FBXL17: variants seen among roughly 807,000 people sequenced by gnomAD.
FBXL17 encodes the protein F-box and leucine rich repeat protein 17.
FBXL17 carries 22 observed loss-of-function variants against 66.2 expected under a neutral mutation model. The ratio of observed to expected loss-of-function variants is 0.33; its 90% CI spans 0.24 to 0.47. The LOEUF (loss-of-function observed/expected upper bound fraction) is 0.47. FBXL17 is among the 20% of genes least tolerant of loss of function. FBXL17 has a pLI of 1.00. For missense variants in FBXL17, 878 were observed against 948.2 expected (o/e 0.93, Z 0.97); for synonymous variants, 474 against 400.5 (o/e 1.18, Z -2.19).
At chr5:107,950,760 G>C (rs1751473557) in intron 7 of FBXL17, among the ~76,000 whole-genome samples, 1 of 152,130 alleles carries the variant, frequency 6.6e-6, no homozygotes, top group South Asian at 2.1e-4. Context: ...CCTCAAAATA[G>C]GTAATTGAAA....
At chr5:108,224,073 C>A (rs777949377) in intron 5 of FBXL17, 48 bp downstream of exon 5, 1 of 944,360 alleles carries the variant, frequency 1.1e-6, no homozygotes, top group African/African-American at 1.6e-5. Context: ...GGGCTCATCA[C>A]CTGTATGATA....
At chr5:108,019,541 A>T (rs1487224790) in intron 7 of FBXL17, among the ~76,000 whole-genome samples, 1 of 152,148 alleles carries the variant, frequency 6.6e-6, no homozygotes, top group Non-Finnish European at 1.5e-5. Context: ...GGAAATATAC[A>T]AAAAGACTGG....
intron 6 of FBXL17, among the ~76,000 whole-genome samples, chr5:108,162,542 T>C (rs1370615391): frequency 6.6e-6 from 1 of 152,178 alleles, no homozygotes. Flanking sequence ...TTAATGAAAT[T>C]ATATTCAGTA....
At chr5:107,999,955 A>G (rs1429127541) in intron 7 of FBXL17, among the ~76,000 whole-genome samples, 2 of 152,234 alleles carry the variant, frequency 1.3e-5, no homozygotes, top group African/African-American at 4.8e-5. Context: ...AAGGCAAGAA[A>G]GACAAGGTGG....
At chr5:108,091,936 T>C (rs41131) in intron 6 of FBXL17, among the ~76,000 whole-genome samples, 31,107 of 152,144 alleles carry the variant, frequency 0.2, 3,433 homozygotes, top group South Asian at 0.42. Flanking sequence ...TTAGTAACAG[T>C]AAAATAATAT....
chr5:108,318,808 A>T (rs1759488379), intron 4 of FBXL17, among the ~76,000 whole-genome samples: 1 of 151,994 alleles, frequency 6.6e-6, no homozygotes, highest in South Asian at 2.1e-4. Flanking sequence ...TAAGTCAAAC[A>T]AGTGATGGTT....
chr5:108,118,433 TAG>T (rs1236446185), intron 6 of FBXL17, among the ~76,000 whole-genome samples: 1 of 152,228 alleles, frequency 6.6e-6, no homozygotes, highest in Non-Finnish European at 1.5e-5. Flanking sequence ...GAGAAAATTC[TAG>T]AGTCCCTCAT....
chr5:108,087,652 C>G (rs1299098809), intron 6 of FBXL17, among the ~76,000 whole-genome samples: 1 of 152,034 alleles, frequency 6.6e-6, no homozygotes, highest in Non-Finnish European at 1.5e-5. Flanking sequence ...AACAAAACAT[C>G]TCTGTCCTTT....
At chr5:108,333,002 A>C (rs1760201469) in intron 4 of FBXL17, among the ~76,000 whole-genome samples, 1 of 149,420 alleles carries the variant, frequency 6.7e-6, no homozygotes, top group South Asian at 2.1e-4. Flanking sequence ...ATCTGTATTA[A>C]GATCTTGTAA....
intron 4 of FBXL17, among the ~76,000 whole-genome samples, chr5:108,267,260 C>G (rs1476966691): frequency 6.6e-6 from 1 of 151,888 alleles, no homozygotes; most frequent in Non-Finnish European, 1.5e-5. Flanking sequence ...ATTATCAAAT[C>G]TTTGTATATT....
intron 8 of FBXL17, among the ~76,000 whole-genome samples, chr5:107,875,946 G>T (rs2112494179): frequency 6.6e-6 from 1 of 152,338 alleles, no homozygotes; most frequent in African/African-American, 2.4e-5. Flanking sequence ...CATCTTTTCT[G>T]GGCGGGCTCT....
intron 6 of FBXL17, among the ~76,000 whole-genome samples, chr5:108,026,043 C>T (rs1054498984): frequency 6.6e-6 from 1 of 152,020 alleles, no homozygotes; most frequent in Non-Finnish European, 1.5e-5. Context: ...AGAAAATGCA[C>T]AATATAAAAG....
intron 6 of FBXL17, among the ~76,000 whole-genome samples, chr5:108,145,818 AAAC>A (rs1267957167): frequency 9.5e-6 from 1 of 105,690 alleles, no homozygotes; most frequent in Non-Finnish European, 1.9e-5. Flanking sequence ...TCGGTTGCCT[AAAC>A]AATAATAATA....
At chr5:108,207,564 G>A (rs1435728401) in intron 5 of FBXL17, among the ~76,000 whole-genome samples, 1 of 152,074 alleles carries the variant, frequency 6.6e-6, no homozygotes, top group Non-Finnish European at 1.5e-5. Context: ...CCACTTACGA[G>A]TGAGAACATG....
At chr5:108,170,706 G>T (rs1039923093) in intron 6 of FBXL17, among the ~76,000 whole-genome samples, 44 of 152,108 alleles carry the variant, frequency 2.9e-4, no homozygotes, top group African/African-American at 8.9e-4. Context: ...GCTAATTTTT[G>T]TATTTTCAGT....
At chr5:108,252,143 C>T (rs1269986010) in intron 4 of FBXL17, among the ~76,000 whole-genome samples, 1 of 151,986 alleles carries the variant, frequency 6.6e-6, no homozygotes, top group East Asian at 1.9e-4. Context: ...AGAACTTTTC[C>T]AATATTGGTG....
At chr5:108,291,730 A>C (rs1758120358) in intron 4 of FBXL17, among the ~76,000 whole-genome samples, 1 of 152,136 alleles carries the variant, frequency 6.6e-6, no homozygotes, top group South Asian at 2.1e-4. Flanking sequence ...CATGTTTACT[A>C]CTGAAGTCCT....
chr5:108,368,694 C>T (rs1748832377), intron 1 of FBXL17, among the ~76,000 whole-genome samples: 1 of 151,998 alleles, frequency 6.6e-6, no homozygotes, highest in South Asian at 2.1e-4. Context: ...CACATAAAGA[C>T]TGGAGTTTAA....
At chr5:108,032,824 T>C (rs1052563704) in intron 6 of FBXL17, among the ~76,000 whole-genome samples, 2 of 152,172 alleles carry the variant, frequency 1.3e-5, no homozygotes, top group African/African-American at 4.8e-5. Flanking sequence ...AGGAAACTAA[T>C]ACAGTGTCTA....
Sources: gnomAD v4.1 joint callset for allele counts (sites outside exome capture counted in the v4.1 genomes callset) on GRCh38, gnomAD v4.1.1 for gene constraint, MANE v1.5 for transcripts, NCBI Gene and HGNC (gene_info 2026-07-23, HGNC 2026-07-21) for gene names.